ZSCAN5A: variants seen among roughly 807,000 people sequenced by gnomAD.
ZSCAN5A encodes the protein zinc finger and SCAN domain containing 5A.
Under a neutral mutation model 23.7 loss-of-function variants are expected in ZSCAN5A, and 12 were observed. That is an observed-to-expected ratio of 0.51 (90% CI 0.32 to 0.82). The LOEUF (loss-of-function observed/expected upper bound fraction) is 0.82. ZSCAN5A is among the 40% of genes least tolerant of loss of function. The probability of loss-of-function intolerance (pLI) is 0.03; values close to 1 mark genes in which losing one functional copy is unlikely to be tolerated. For missense variants in ZSCAN5A, 597 were observed against 617.9 expected, an observed-to-expected ratio of 0.97 and a Z score of 0.36; for synonymous variants, 257 against 239.9, an observed-to-expected ratio of 1.07 and a Z score of -0.66.
At chr19:56,350,145 A>T (rs536345449) in intron 2 of ZSCAN5A, among the ~76,000 whole-genome samples, 160 of 152,350 alleles carry the variant, frequency 1.1e-3, no homozygotes, top group African/African-American at 3.7e-3. Flanking sequence ...AGGATTAATA[A>T]TTGCAGGAAA....
chr19:56,285,436 C>G (rs1252526339), intron 2 of ZSCAN5A, among the ~76,000 whole-genome samples: 1 of 152,128 alleles, frequency 6.6e-6, no homozygotes, highest in East Asian at 1.9e-4. Flanking sequence ...GTTAAAAGTA[C>G]TATGTGTTTT....
In ZSCAN5A at chr19:56,327,708, C is replaced by T. The variant is rs559594352; in HGVS notation, c.-357-11440G>A. Among the ~76,000 whole-genome samples the T allele has an allele frequency of 5.9e-5, 9 of 151,358 alleles. No homozygotes were observed. In the East Asian group the frequency reaches 1.6e-3, roughly 26 times the overall value. On this transcript the variant is annotated intron_variant, in intron 2 of 6. Transcript: ENST00000587340. The stretch of plus-strand genomic sequence containing the variant: ...TATTCTATACAAATACTATACAATA[C>T]ATAAATTTATGTATATATTCAATTT...
chr19:56,357,957 T>C (rs1156977890), intron 2 of ZSCAN5A, among the ~76,000 whole-genome samples: 4 of 148,350 alleles, frequency 2.7e-5, no homozygotes, highest in Non-Finnish European at 5.9e-5. Context: ...AAGCAGGGGT[T>C]GCAATCCTAG....
intron 2 of ZSCAN5A, chr19:56,304,867 T>G (rs2040581124): frequency 1.1e-6 from 1 of 887,970 alleles, no homozygotes; most frequent in Admixed American, 6.2e-5. Flanking sequence ...TTCCCACCGC[T>G]GGGGTGGGGT....
Position 56,244,558 on chromosome 19 carries a change from A to G in ZSCAN5A, c.-127-19385T>C, listed in dbSNP as rs28573374. The stretch of plus-strand genomic sequence containing the variant: ...CCAAGTAGAGGAGAGTTTGCCCATC[A>G]GGGACACATGGCAGTGTCTGGGGAC... On this transcript the variant is annotated intron_variant, in intron 2 of 5. Transcript: ENST00000683990. 4,878 of 1,093,934 alleles carry G rather than the reference A, an allele frequency of 4.5e-3. 256 individuals are homozygous for G. In the African/African-American group the frequency reaches 0.074, roughly 17 times the overall value. The allele number at this position is 1,093,934 out of a possible 1,614,324, so 67.8% of individuals were successfully genotyped here. A position where few individuals can be genotyped will look rare whatever the true frequency, so the allele number is the denominator to read the frequency against.
intron 2 of ZSCAN5A, among the ~76,000 whole-genome samples, chr19:56,265,077 A>G (rs866245987): frequency 5.9e-5 from 9 of 151,940 alleles, no homozygotes; most frequent in Middle Eastern, 3.2e-3. Context: ...AGCTGAGATC[A>G]CACCACTGCA....
chr19:56,254,063 T>TTC (rs1214591121), intron 2 of ZSCAN5A, among the ~76,000 whole-genome samples: 3 of 151,616 alleles, frequency 2.0e-5, no homozygotes, highest in Admixed American at 2.0e-4. Flanking sequence ...GAGCATCTTT[T>TTC]TTTTTTTTTT....
At chr19:56,256,241 G>C (rs1448335592) in intron 2 of ZSCAN5A, among the ~76,000 whole-genome samples, 1 of 152,184 alleles carries the variant, frequency 6.6e-6, no homozygotes, top group Admixed American at 6.5e-5. Flanking sequence ...TGCCCAGGCT[G>C]GAGTGCAGTG....
intron 2 of ZSCAN5A, among the ~76,000 whole-genome samples, chr19:56,362,162 A>G (rs892572671): frequency 5.9e-5 from 9 of 151,738 alleles, no homozygotes; most frequent in African/African-American, 2.2e-4. Flanking sequence ...CGTCTCAAAA[A>G]AAAAAAAAAA....
At chr19:56,344,177 G>C (rs1600295688) in intron 2 of ZSCAN5A, among the ~76,000 whole-genome samples, 1 of 152,150 alleles carries the variant, frequency 6.6e-6, no homozygotes, top group Admixed American at 6.5e-5. Context: ...ACAAACTTTG[G>C]GAGGAACTCA....
At chr19:56,296,403 C>A (rs2039876315) in intron 2 of ZSCAN5A, 1 of 149,650 alleles carries the variant, frequency 6.7e-6, no homozygotes, top group South Asian at 2.2e-4. Flanking sequence ...CTCCTGTGCA[C>A]AGAAATATAC....
intron 1 of ZSCAN5A, among the ~76,000 whole-genome samples, chr19:56,365,439 T>C (rs1440308009): frequency 1.3e-5 from 2 of 152,168 alleles, no homozygotes; most frequent in Non-Finnish European, 2.9e-5. Flanking sequence ...CTATACAACA[T>C]GGTTAAAAGG....
intron 2 of ZSCAN5A, among the ~76,000 whole-genome samples, chr19:56,259,906 G>A (rs962262754): frequency 2.0e-5 from 3 of 152,218 alleles, no homozygotes; most frequent in African/African-American, 4.8e-5. Context: ...CAGGGAAGTC[G>A]AGGCTGCAAA....
chr19:56,237,458 C>T (rs1320728019), intron 2 of ZSCAN5A, among the ~76,000 whole-genome samples: 2 of 152,052 alleles, frequency 1.3e-5, no homozygotes, highest in African/African-American at 2.4e-5. Flanking sequence ...GGGGAAGGTA[C>T]GTGTTCAGGG....
intron 2 of ZSCAN5A, among the ~76,000 whole-genome samples, chr19:56,249,609 T>C (rs549853803): frequency 3.9e-4 from 60 of 152,344 alleles, no homozygotes; most frequent in African/African-American, 1.0e-3. Flanking sequence ...CAAAAGTCTA[T>C]AGAGCTCGCC....
intron 2 of ZSCAN5A, among the ~76,000 whole-genome samples, chr19:56,226,589 A>T (rs1229943547): frequency 1.3e-5 from 2 of 152,056 alleles, no homozygotes; most frequent in African/African-American, 2.4e-5. Context: ...GATTTGGGGG[A>T]AAGGGGTCCT....
intron 2 of ZSCAN5A, 53 bp downstream of exon 2, chr19:56,313,229 TA>T: frequency 5.9e-6 from 2 of 336,766 alleles, no homozygotes; most frequent in Non-Finnish European, 1.2e-5. Context: ...ACGCTGCTGA[TA>T]AAGACATATC....
Position 56,221,492 on chromosome 19 carries a change from T to C in ZSCAN5A, c.*83A>G, listed in dbSNP as rs2033148835. The C allele has an allele frequency of 6.7e-7, 1 of 1,496,866 alleles. No individual in the cohort carries two copies. The highest frequency in any genetic ancestry group is 1.4e-5 in the African/African-American group (1 of 71,482). 92.7% of individuals were successfully genotyped at this position (1,496,866 alleles called of 1,614,324 possible). Reference sequence around the variant, plus strand: ...CCTCTGTGTGTCAGACGCCCTTGCATGTGTCAAATGTCATCTGATAACATT... The same window carrying C: ...CCTCTGTGTGTCAGACGCCCTTGCACGTGTCAAATGTCATCTGATAACATT... On this transcript the variant is annotated 3_prime_UTR_variant, in exon 6 of 6. Coordinates refer to ENST00000683990, the MANE Select transcript of ZSCAN5A (RefSeq NM_001322064.3).
Position 56,259,355 on chromosome 19 carries a change from C to T in ZSCAN5A, c.-127-34182G>A, listed in dbSNP as rs144493198. 6.0e-3 allele frequency among the ~76,000 whole-genome samples: 909 copies of T among 152,222 alleles called. 9 individuals carry two copies. The highest frequency in any genetic ancestry group is 0.021 in the African/African-American group (876 of 41,514). On this transcript the variant is annotated intron_variant, in intron 2 of 5. Transcript: ENST00000683990. ...CTGGGATTACAGATGTGAGCTACCG[C>T]GCCTGGCTGCACCCTGTAATTCTGA...
Sources: gnomAD v4.1 joint callset for allele counts (sites outside exome capture counted in the v4.1 genomes callset) on GRCh38, gnomAD v4.1.1 for gene constraint, MANE v1.5 for transcripts, NCBI Gene and HGNC (gene_info 2026-07-23, HGNC 2026-07-21) for gene names.